The following NWD2 variants were observed in gnomAD, a reference collection of about 807,000 sequenced individuals.
NWD2 encodes NACHT and WD repeat domain-containing protein 2.
NWD2 carries 37 observed loss-of-function variants against 132.7 expected under a neutral mutation model. That is an observed-to-expected ratio of 0.28 (90% CI 0.21 to 0.37). The LOEUF is 0.37. Ranked by LOEUF, NWD2 falls within the 10% of genes least tolerant of loss-of-function variation. The pLI is 1.00. For missense variants in NWD2, 1,592 were observed against 2,122.4 expected (o/e 0.75, Z 4.91); for synonymous variants, 705 against 803.0 (o/e 0.88, Z 2.06).
intron 3 of NWD2, among the ~76,000 whole-genome samples, chr4:37,395,036 C>G (rs1445335252): frequency 6.6e-6 from 1 of 151,284 alleles, no homozygotes; most frequent in Non-Finnish European, 1.5e-5. Flanking sequence ...TGGTCTCAAA[C>G]TCCTGACCTC....
intron 1 of NWD2, among the ~76,000 whole-genome samples, chr4:37,302,990 A>G (rs1448938573): frequency 1.3e-5 from 2 of 152,122 alleles, no homozygotes; most frequent in East Asian, 3.8e-4. Flanking sequence ...TTGCTTTGTT[A>G]CCTGGGCTTT....
chr4:37,354,232 G>A (rs1439207476), intron 2 of NWD2, among the ~76,000 whole-genome samples: 1 of 152,132 alleles, frequency 6.6e-6, no homozygotes, highest in African/African-American at 2.4e-5. Flanking sequence ...TCCCAGAGGG[G>A]CACCCACCAG....
chr4:37,368,496 G>C (rs1318222312), intron 3 of NWD2, among the ~76,000 whole-genome samples: 1 of 152,110 alleles, frequency 6.6e-6, no homozygotes, highest in Non-Finnish European at 1.5e-5. Context: ...GACCTCTTAA[G>C]CACCCACTTA....
intron 2 of NWD2, among the ~76,000 whole-genome samples, chr4:37,327,994 T>G (rs1157840546): frequency 6.6e-6 from 1 of 152,156 alleles, no homozygotes; most frequent in Non-Finnish European, 1.5e-5. Context: ...GTTCTTCCCC[T>G]GCTTCACCTC....
Position 37,307,884 on chromosome 4 carries a change from A to C in NWD2, c.152-18052A>C, listed in dbSNP as rs1360568157. On this transcript the variant is annotated intron_variant, in intron 1 of 6. Transcript: ENST00000309447. Reference sequence around the variant, plus strand: ...CAGAAATTTTTTCTTCTTATGATCTAGTCTATTGTTGAAGCTCTTGATTTT... The same window carrying C: ...CAGAAATTTTTTCTTCTTATGATCTCGTCTATTGTTGAAGCTCTTGATTTT... Among the ~76,000 whole-genome samples, 3 of 152,116 alleles carry C rather than the reference A, an allele frequency of 2.0e-5. No homozygotes were observed. In the East Asian group the frequency reaches 5.8e-4, roughly 29 times the overall value.
intron 1 of NWD2, among the ~76,000 whole-genome samples, chr4:37,277,176 A>T (rs1443905375): frequency 6.7e-6 from 1 of 150,354 alleles, no homozygotes; most frequent in East Asian, 1.9e-4. Context: ...GATCCTCTGC[A>T]GTATGAGATG....
intron 1 of NWD2, among the ~76,000 whole-genome samples, chr4:37,278,650 G>T (rs1207236180): frequency 1.3e-5 from 2 of 152,136 alleles, no homozygotes; most frequent in South Asian, 2.1e-4. Context: ...TGAGGGTTTT[G>T]ATCAATCCAC....
intron 1 of NWD2, among the ~76,000 whole-genome samples, chr4:37,305,384 G>A (rs1718691351): frequency 6.6e-6 from 1 of 152,194 alleles, no homozygotes; most frequent in African/African-American, 2.4e-5. Flanking sequence ...CTGCAGCCTT[G>A]AATTCCTCTC....
rs1330495487 is a variant in NWD2 at position 37,443,472 on chromosome 4, T to C, written c.1484T>C (p.Leu495Ser). Residue 495 changes from leucine to serine, a missense_variant, in exon 7 of 7, where the codon TTA (leucine) becomes TCA (serine). Physicochemically the swap from Leu to Ser is moderately radical, Grantham distance 145. Transcript: ENST00000309447. This position sits in a 1 kb window ranked among gnomAD's most constrained non-coding sequence, Gnocchi z 4.1. ...YPKKIHDLCD[L>S]FINLLNESSL... ...AAGAAGATCCATGACCTCTGTGACT[T>C]ATTTATAAATCTTTTGAATGAGTCT... 1 of 1,552,196 alleles carries C rather than the reference T, an allele frequency of 6.4e-7. No individual in the cohort carries two copies.
At chr4:37,385,259 A>G (rs746503586) in intron 3 of NWD2, among the ~76,000 whole-genome samples, 1 of 152,274 alleles carries the variant, frequency 6.6e-6, no homozygotes, top group African/African-American at 2.4e-5. Flanking sequence ...ATCAGTAAAT[A>G]TTACATCTTT....
chr4:37,265,063 A>T (rs1717720783), intron 1 of NWD2, among the ~76,000 whole-genome samples: 1 of 152,158 alleles, frequency 6.6e-6, no homozygotes, highest in South Asian at 2.1e-4. Context: ...TCTAAAGCTG[A>T]ACTCCAGCCT....
intron 6 of NWD2, among the ~76,000 whole-genome samples, chr4:37,441,134 A>G (rs183701802): frequency 9.3e-4 from 141 of 152,268 alleles, no homozygotes; most frequent in Admixed American, 2.4e-3. Context: ...TTCTTAATCT[A>G]TCAAGCCCAG....
chr4:37,307,021 CAAAAAAA>C (rs749143872), intron 1 of NWD2, among the ~76,000 whole-genome samples: 1 of 104,306 alleles, frequency 9.6e-6, no homozygotes, highest in Admixed American at 1.1e-4. Context: ...GAGACTCCAT[CAAAAAAA>C]AAAAAAAAAA....
At chr4:37,416,119 C>A (rs1337650521) in intron 3 of NWD2, among the ~76,000 whole-genome samples, 1 of 152,194 alleles carries the variant, frequency 6.6e-6, no homozygotes, top group Non-Finnish European at 1.5e-5. Flanking sequence ...GCTGGCCCCC[C>A]ACAAGGCAGC....
intron 4 of NWD2, among the ~76,000 whole-genome samples, chr4:37,433,589 T>C (rs942078503): frequency 2.6e-5 from 4 of 152,294 alleles, no homozygotes; most frequent in South Asian, 4.1e-4. Context: ...TATTTTCTTA[T>C]GGCATTTGTA....
At position 37,438,926 on chromosome 4, in the gene NWD2, T is replaced by G. The variant is rs1198854085; in HGVS notation, c.832T>G (p.Tyr278Asp). The stretch of plus-strand genomic sequence containing the variant: ...TGTGAAAATCCCAGAGATGGGAAAA[T>G]ACATGGATATAACTGGAACAGAACC... ...RFVKIPEMGK[Y>D]MDITGTEPRI... is the part of the protein sequence containing the mutation. Residue 278 changes from tyrosine to aspartate, a missense_variant, in exon 6 of 7, where the codon TAC becomes GAC. Coordinates refer to ENST00000309447, the MANE Select transcript of NWD2 (RefSeq NM_001144990.2). The G allele has an allele frequency of 1.9e-6, 3 of 1,551,990 alleles. No individual in the cohort carries two copies. The highest frequency in any genetic ancestry group is 2.6e-6 in the Non-Finnish European group (3 of 1,147,060).
rs551518079 is a variant in NWD2 at position 37,362,840 on chromosome 4, G to A, written c.357+6358G>A. Among the ~76,000 whole-genome samples, 4 of 152,246 alleles carry A rather than the reference G, an allele frequency of 2.6e-5. No homozygotes were observed. The South Asian group carries it at 6.2e-4, about 24-fold the overall frequency. On this transcript the variant is annotated intron_variant, in intron 3 of 6. Transcript: ENST00000309447. ...CCTAATAAAACTAAACAGCTTCTGC[G>A]AAGCAAAAGAAACTATCAGCAGAGT...
chr4:37,379,169 T>C (rs986559800), intron 3 of NWD2, among the ~76,000 whole-genome samples: 2 of 152,230 alleles, frequency 1.3e-5, no homozygotes, highest in African/African-American at 4.8e-5. Context: ...GTGGTTTTTA[T>C]ACCTAAGGAT....
intron 2 of NWD2, among the ~76,000 whole-genome samples, chr4:37,342,187 T>C (rs1392579724): frequency 6.6e-6 from 1 of 152,166 alleles, no homozygotes; most frequent in Admixed American, 6.5e-5. Context: ...ATTGATGCCC[T>C]CCCCATGGTA....
Sources: gnomAD v4.1 joint callset for allele counts (sites outside exome capture counted in the v4.1 genomes callset) on GRCh38, gnomAD v4.1.1 for gene constraint, Gnocchi (gnomAD v3.1) non-coding constraint, MANE v1.5 for transcripts, NCBI Gene and HGNC (gene_info 2026-07-23, HGNC 2026-07-21) for gene names.